GLT8D2: variants seen among roughly 807,000 people sequenced by gnomAD.
The protein encoded by GLT8D2 is glycosyltransferase 8 domain-containing protein 2.
Under a neutral mutation model 44.5 loss-of-function variants are expected in GLT8D2, and 45 were observed. That is an observed-to-expected ratio of 1.01 (90% CI 0.80 to 1.30). The LOEUF (loss-of-function observed/expected upper bound fraction) is 1.30, where lower values mean the gene tolerates loss of function less well. Ranked by LOEUF, GLT8D2 falls within the 50% of genes most tolerant of loss-of-function variation. GLT8D2 has a pLI of 0.00. For synonymous variants in GLT8D2, 156 were observed against 157.2 expected, an observed-to-expected ratio of 0.99 and a Z score of 0.06; for missense variants, 400 against 430.4, an observed-to-expected ratio of 0.93 and a Z score of 0.62.
chr12:104,034,615 A>G (rs145987919), intron 1 of GLT8D2, among the ~76,000 whole-genome samples: 2 of 152,354 alleles, frequency 1.3e-5, no homozygotes, highest in African/African-American at 2.4e-5. Context: ...CTGAGGTTTG[A>G]GTGGGTAAAC....
chr12:104,007,267 C>CTCTCTCTCTCTCA (rs1487433634), intron 4 of GLT8D2, among the ~76,000 whole-genome samples: 1 of 13,648 alleles, frequency 7.3e-5, no homozygotes. Context: ...TCTCTCTCTC[C>CTCTCTCTCTCTCA]CCCCGCTCTC....
intron 1 of GLT8D2, chr12:104,030,884 G>A: frequency 3.8e-6 from 6 of 1,559,280 alleles, no homozygotes; most frequent in Non-Finnish European, 5.3e-6. Flanking sequence ...GGCGGGCCAC[G>A]AGGAGGCGAA....
intron 4 of GLT8D2, among the ~76,000 whole-genome samples, chr12:104,014,019 AAGTATG>A (rs1876206289): frequency 6.6e-6 from 1 of 152,186 alleles, no homozygotes; most frequent in African/African-American, 2.4e-5. Context: ...GCTGGATTAC[AAGTATG>A]AGCCACCATC....
At chr12:104,025,232 A>C (rs12312024) in intron 1 of GLT8D2, among the ~76,000 whole-genome samples, 39,720 of 151,580 alleles carry the variant, frequency 0.26, 6,287 homozygotes, top group Non-Finnish European at 0.34. Context: ...TTTTTGAAAC[A>C]GGGTTTTACT....
chr12:103,999,429 G>A lies in GLT8D2; in HGVS notation c.370C>T (p.Pro124Ser), dbSNP rs199929846. The change falls in exon 6 of 11, where the codon CCA becomes TCA. Residue 124 changes from proline (P) to serine (S), a missense_variant. Coordinates refer to ENST00000360814, the MANE Select transcript of GLT8D2 (RefSeq NM_001384711.1). ...NPMVLKGKIR[P>S]DSSRPELLQP... ...AGCAATTCAGGCCTCGATGAGTCTG[G>A]TCTGATCTTCCCTTTGAGGACCATC... The A allele has an allele frequency of 3.2e-5, 52 of 1,612,460 alleles. No individual in the cohort carries two copies. The highest frequency in any genetic ancestry group is 4.1e-5 in the Non-Finnish European group (48 of 1,178,636).
intron 4 of GLT8D2, chr12:104,014,310 G>A (rs754311898): frequency 5.3e-5 from 37 of 700,432 alleles, no homozygotes; most frequent in South Asian, 1.8e-4. Flanking sequence ...AGCTGCTATT[G>A]TGCCACTGTA....
intron 4 of GLT8D2, chr12:104,012,927 T>C: frequency 1.6e-6 from 1 of 618,696 alleles, no homozygotes; most frequent in East Asian, 3.0e-5. Context: ...GGCGGCCATC[T>C]GCATGCCAAG....
intron 5 of GLT8D2, among the ~76,000 whole-genome samples, chr12:104,002,023 T>G (rs142370611): frequency 6.6e-6 from 1 of 152,328 alleles, no homozygotes; most frequent in African/African-American, 2.4e-5. Flanking sequence ...TTGCCCAGGC[T>G]GGAGTTAAGT....
At chr12:103,999,542 G>T in intron 5 of GLT8D2, 28 bp from the exon 6 acceptor site, 1 of 1,331,212 alleles carries the variant, frequency 7.5e-7, no homozygotes, top group Non-Finnish European at 1.1e-6. Context: ...AAAACCTCTA[G>T]TATACCCTTC....
Position 104,043,753 on chromosome 12 carries a change from C to A in GLT8D2, c.-164+6142G>T, listed in dbSNP as rs533317281. Among the ~76,000 whole-genome samples the A allele has an allele frequency of 9.8e-5, 15 of 152,326 alleles. No homozygotes were observed. In the East Asian group the frequency reaches 2.9e-3, roughly 29 times the overall value. On this transcript the variant is annotated intron_variant, in intron 1 of 10. Coordinates refer to ENST00000360814, the MANE Select transcript of GLT8D2 (RefSeq NM_001384711.1). Reference sequence around the variant, plus strand: ...AAGTGCTGGGATTACAGGTGTGAGCCACTGTGCCCGGCTGTGACTCCGTTT... The same window carrying A: ...AAGTGCTGGGATTACAGGTGTGAGCAACTGTGCCCGGCTGTGACTCCGTTT...
intron 3 of GLT8D2, among the ~76,000 whole-genome samples, chr12:104,016,774 A>AGAAAGAAGGAAGGAAG (rs1566199645): frequency 8.2e-4 from 48 of 58,364 alleles, no homozygotes; most frequent in African/African-American, 3.7e-3. Context: ...AAAGAAAGAA[A>AGAAAGAAGGAAGGAAG]GAAGGAAGGA....
At chr12:103,996,347 A>G (rs1875596394) in intron 8 of GLT8D2, among the ~76,000 whole-genome samples, 1 of 152,188 alleles carries the variant, frequency 6.6e-6, no homozygotes, top group African/African-American at 2.4e-5. Flanking sequence ...TTTACAGAAA[A>G]CATCATCTCT....
chr12:104,061,559 T>C (rs1882649263), intron 1 of GLT8D2, among the ~76,000 whole-genome samples: 1 of 152,240 alleles, frequency 6.6e-6, no homozygotes, highest in South Asian at 2.1e-4. Context: ...TGGCAACATT[T>C]AAGAGCCTCC....
chr12:104,014,036 G>A (rs1423452394), intron 4 of GLT8D2, among the ~76,000 whole-genome samples: 2 of 152,072 alleles, frequency 1.3e-5, no homozygotes, highest in African/African-American at 4.8e-5. Context: ...AGCCACCATC[G>A]CCAGCCCGTA....
At chr12:104,009,785 G>A (rs1349549735) in intron 4 of GLT8D2, among the ~76,000 whole-genome samples, 3 of 152,190 alleles carry the variant, frequency 2.0e-5, no homozygotes, top group Non-Finnish European at 4.4e-5. Flanking sequence ...TCATGGTAGT[G>A]AATAAGTCTC....
At chr12:104,007,265 T>TCTCTCCC (rs377119502) in intron 4 of GLT8D2, among the ~76,000 whole-genome samples, 2 of 136,284 alleles carry the variant, frequency 1.5e-5, no homozygotes, top group African/African-American at 2.8e-5. Context: ...TCTCTCTCTC[T>TCTCTCCC]CCCCCCGCTC....
At chr12:104,045,938 A>AG (rs1555281858) in intron 1 of GLT8D2, among the ~76,000 whole-genome samples, 1,046 of 92,020 alleles carry the variant, frequency 0.011, 13 homozygotes, top group African/African-American at 0.032. Context: ...AAAGAAAGAA[A>AG]AAGAAAGAAA....
chr12:103,992,065 C>T (rs1180839897), intron 10 of GLT8D2, among the ~76,000 whole-genome samples: 1 of 152,126 alleles, frequency 6.6e-6, no homozygotes, highest in African/African-American at 2.4e-5. Flanking sequence ...CACTCAGCAC[C>T]ACATTACCTT....
chr12:104,048,943 A>G (rs1243482911), intron 1 of GLT8D2, among the ~76,000 whole-genome samples: 1 of 152,206 alleles, frequency 6.6e-6, no homozygotes, highest in Middle Eastern at 3.2e-3. Context: ...AAGGTGTGTA[A>G]GTGGCAGCAT....
Sources: allele counts gnomAD v4.1 joint callset (sites outside exome capture counted in the v4.1 genomes callset), GRCh38; gene constraint gnomAD v4.1.1; transcripts MANE v1.5; gene names NCBI Gene and HGNC (gene_info 2026-07-23, HGNC 2026-07-21).